ENO4: variants seen among roughly 807,000 people sequenced by gnomAD.
The protein encoded by ENO4 is 2-phospho-D-glycerate hydro-lyase.
ENO4 carries 53 observed loss-of-function variants against 63.2 expected under a neutral mutation model. That is an observed-to-expected ratio of 0.84 (90% CI 0.67 to 1.05). The LOEUF (loss-of-function observed/expected upper bound fraction) is 1.05, where lower values mean the gene tolerates loss of function less well. Ranked by LOEUF, ENO4 falls within the 50% of genes least tolerant of loss-of-function variation. The pLI is 0.00. For missense variants in ENO4, 719 were observed against 772.0 expected, an observed-to-expected ratio of 0.93 and a Z score of 0.81; for synonymous variants, 266 against 283.8, an observed-to-expected ratio of 0.94 and a Z score of 0.63.
At chr10:116,854,288 G>A (rs577032033) in intron 1 of ENO4, among the ~76,000 whole-genome samples, 6 of 152,216 alleles carry the variant, frequency 3.9e-5, no homozygotes, top group South Asian at 2.1e-4. Context: ...TGCCGGGCGC[G>A]GTGGCTCACG....
chr10:116,856,196 G>T (rs1354603582), intron 2 of ENO4, among the ~76,000 whole-genome samples: 1 of 152,126 alleles, frequency 6.6e-6, no homozygotes, highest in African/African-American at 2.4e-5. Flanking sequence ...TTTTGCCATA[G>T]TCTCTGGTAG....
chr10:116,854,577 A>AAT (rs1846197880), intron 1 of ENO4, among the ~76,000 whole-genome samples: 1 of 150,844 alleles, frequency 6.6e-6, no homozygotes, highest in African/African-American at 2.4e-5. Flanking sequence ...AAAAAAAAAA[A>AAT]ATTCAGCCCA....
chr10:116,865,265 G>C (rs1846520698), intron 7 of ENO4, among the ~76,000 whole-genome samples: 2 of 152,128 alleles, frequency 1.3e-5, no homozygotes, highest in South Asian at 4.2e-4. Flanking sequence ...TCGGCTCACT[G>C]CAACCTCTGC....
At chr10:116,875,802 A>G (rs912448632) in intron 10 of ENO4, among the ~76,000 whole-genome samples, 15 of 152,190 alleles carry the variant, frequency 9.9e-5, no homozygotes, top group African/African-American at 3.6e-4. Flanking sequence ...AAGAACTCTA[A>G]AATCCATGTA....
intron 10 of ENO4, chr10:116,901,797 C>T: frequency 1.9e-6 from 3 of 1,602,138 alleles, no homozygotes; most frequent in Non-Finnish European, 2.6e-6. Flanking sequence ...TGCATCCTTC[C>T]AATTTACGGG....
intron 10 of ENO4, among the ~76,000 whole-genome samples, chr10:116,904,925 G>C (rs1327290625): frequency 6.6e-6 from 1 of 152,164 alleles, no homozygotes; most frequent in Non-Finnish European, 1.5e-5. Flanking sequence ...GTGTTGGCCG[G>C]GCGCGGTGGC....
At chr10:116,855,405 G>A (rs2133246667) in intron 1 of ENO4, among the ~76,000 whole-genome samples, 1 of 152,280 alleles carries the variant, frequency 6.6e-6, no homozygotes, top group East Asian at 1.9e-4. Flanking sequence ...AGACTCAGGA[G>A]TGGGCTGAAT....
intron 7 of ENO4, among the ~76,000 whole-genome samples, chr10:116,863,500 C>G (rs1451915493): frequency 6.6e-6 from 1 of 152,210 alleles, no homozygotes. Context: ...CTACTAATAA[C>G]TAACTCCAGA....
At chr10:116,904,570 C>T (rs529989607) in intron 10 of ENO4, among the ~76,000 whole-genome samples, 2 of 151,934 alleles carry the variant, frequency 1.3e-5, no homozygotes, top group African/African-American at 4.8e-5. Context: ...CATTTATTAA[C>T]GATTCTACTG....
chr10:116,901,833 G>T, intron 10 of ENO4: 2 of 1,604,558 alleles, frequency 1.2e-6, no homozygotes, highest in Non-Finnish European at 1.7e-6. Flanking sequence ...CAGGTGTTGG[G>T]GGGGACGGGC....
intron 10 of ENO4, among the ~76,000 whole-genome samples, chr10:116,907,131 G>T (rs1589795417): frequency 1.3e-5 from 2 of 152,250 alleles, no homozygotes; most frequent in Middle Eastern, 3.4e-3. Context: ...TCTTTATATG[G>T]CAGCCACAAG....
chr10:116,901,509 T>C (rs1407943793), intron 10 of ENO4: 1 of 985,186 alleles, frequency 1.0e-6, no homozygotes, highest in African/African-American at 1.7e-5. Flanking sequence ...GATCAATTAT[T>C]TGTGTAGAAG....
At position 116,876,078 on chromosome 10, in the gene ENO4, G is replaced by C. The variant is rs1846826222; in HGVS notation, c.1355G>C (p.Trp452Ser). The C allele has an allele frequency of 6.5e-7, 1 of 1,544,656 alleles. No homozygotes were observed. The highest frequency in any genetic ancestry group is 1.2e-5 in the South Asian group (1 of 82,554). Residue 452 changes from tryptophan (W) to serine (S), a missense_variant, in exon 11 of 14, where the codon TGG becomes TCG. Physicochemically the swap from Trp to Ser is radical, Grantham distance 177. Around this residue, in one of 3 missense-constraint regions of ENO4, gnomAD observed 544 missense variants for 583.6 expected, o/e 0.93. Transcript: ENST00000341276. Reference protein sequence around the residue: ...DPFRKEDSEQWDSIYHALGSR... With the variant: ...DPFRKEDSEQSDSIYHALGSR... ...ATATTTACCCAGGACTCTGAACAGT[G>C]GGACAGCATCTATCACGCACTTGGT...
intron 10 of ENO4, chr10:116,906,574 G>A: frequency 6.6e-7 from 1 of 1,518,850 alleles, no homozygotes. Context: ...AGACTTAGAA[G>A]AAGATGTTTC....
At position 116,850,069 on chromosome 10, in the gene ENO4, A is replaced by G; in HGVS notation, c.165+338A>G. 8.5e-6 allele frequency: 4 copies of G among 468,182 alleles called. No individual in the cohort carries two copies. In the Middle Eastern group the frequency reaches 1.2e-3, roughly 145 times the overall value. The allele number at this position is 468,182 out of a possible 1,614,324, so 29.0% of individuals were successfully genotyped here. On this transcript the variant is annotated intron_variant, in intron 1 of 13. Transcript: ENST00000341276. ...GGCCGGCCCACCGCCCATGCTTGCC[A>G]ATTGTCATTTTTAACACATACCTTA...
intron 10 of ENO4, among the ~76,000 whole-genome samples, chr10:116,894,109 TTGAC>T (rs1204635890): frequency 1.3e-5 from 2 of 152,202 alleles, no homozygotes. Flanking sequence ...ATGGAAATGT[TTGAC>T]TGGTCACACC....
intron 7 of ENO4, among the ~76,000 whole-genome samples, chr10:116,866,199 T>A (rs1846544028): frequency 6.6e-6 from 1 of 152,218 alleles, no homozygotes; most frequent in Admixed American, 6.5e-5. Context: ...ATCAATAGTG[T>A]GAAGCAGGGA....
chr10:116,883,834 G>GA (rs1429578354), downstream of ENO4: 2 of 177,790 alleles, frequency 1.1e-5, no homozygotes, highest in African/African-American at 4.8e-5. Context: ...TTCAGCTGCT[G>GA]AAACTGCTGT....
chr10:116,849,862 G>T, intron 1 of ENO4, 131 bp downstream of exon 1: 1 of 1,053,220 alleles, frequency 9.5e-7, no homozygotes, highest in Non-Finnish European at 1.4e-6. Context: ...GGGCCTGCGT[G>T]TGCGGAGGAG....
Sources: allele counts gnomAD v4.1 joint callset (sites outside exome capture counted in the v4.1 genomes callset), GRCh38; gene constraint gnomAD v4.1.1; regional missense constraint gnomAD v4.1.1; transcripts MANE v1.5; gene names NCBI Gene and HGNC (gene_info 2026-07-23, HGNC 2026-07-21).